The following EHBP1 variants were observed in gnomAD, a reference collection of about 807,000 sequenced individuals.
EHBP1 encodes the protein EH domain binding protein 1.
Under a neutral mutation model 144.0 loss-of-function variants are expected in EHBP1, and 55 were observed. The ratio of observed to expected loss-of-function variants is 0.38; its 90% CI spans 0.31 to 0.48. EHBP1 has a LOEUF of 0.48. Among genes scored for constraint, EHBP1 ranks in the 20% least tolerant of loss-of-function variants. The pLI, the probability that EHBP1 is intolerant of heterozygous loss-of-function variation, is 0.98. For synonymous variants in EHBP1, 469 were observed against 472.7 expected, an observed-to-expected ratio of 0.99 and a Z score of 0.10; for missense variants, 1,200 against 1,364.2, an observed-to-expected ratio of 0.88 and a Z score of 1.90.
chr2:62,757,555 T>C (rs2040410666), intron 3 of EHBP1, among the ~76,000 whole-genome samples: 1 of 150,902 alleles, frequency 6.6e-6, no homozygotes, highest in Non-Finnish European at 1.5e-5. Flanking sequence ...TGCCTTAGTC[T>C]CCCGAGTAGC....
intron 15 of EHBP1, among the ~76,000 whole-genome samples, chr2:62,982,268 G>A (rs564504417): frequency 6.6e-6 from 1 of 152,324 alleles, no homozygotes; most frequent in African/African-American, 2.4e-5. Flanking sequence ...AGCACTGTAG[G>A]TTTTGTAAGC....
intron 1 of EHBP1, among the ~76,000 whole-genome samples, chr2:62,690,608 A>G (rs1365315897): frequency 6.6e-6 from 1 of 152,186 alleles, no homozygotes; most frequent in Non-Finnish European, 1.5e-5. Flanking sequence ...TACAAGATTG[A>G]GTAAGACTGT....
At chr2:62,720,248 A>G (rs2036097113) in intron 2 of EHBP1, among the ~76,000 whole-genome samples, 1 of 152,156 alleles carries the variant, frequency 6.6e-6, no homozygotes, top group Non-Finnish European at 1.5e-5. Flanking sequence ...TAAACCCAGA[A>G]AGTTTGGGAA....
chr2:63,033,829 C>G (rs72890534), intron 19 of EHBP1, among the ~76,000 whole-genome samples: 2,473 of 152,174 alleles, frequency 0.016, 63 homozygotes, highest in African/African-American at 0.056. Flanking sequence ...TGTCAGTTAA[C>G]ACTGACTATT....
At chr2:62,865,470 T>C (rs769005205) in intron 9 of EHBP1, among the ~76,000 whole-genome samples, 3 of 152,194 alleles carry the variant, frequency 2.0e-5, no homozygotes, top group Non-Finnish European at 4.4e-5. Context: ...AGGGCTGCCA[T>C]TTGCCCAAAT....
chr2:62,834,208 T>A (rs2047041197), intron 7 of EHBP1, among the ~76,000 whole-genome samples: 1 of 152,228 alleles, frequency 6.6e-6, no homozygotes, highest in Non-Finnish European at 1.5e-5. Context: ...ATTTAGAATA[T>A]CACATCAACT....
At chr2:62,709,899 A>G (rs2034975602) in intron 2 of EHBP1, among the ~76,000 whole-genome samples, 1 of 152,082 alleles carries the variant, frequency 6.6e-6, no homozygotes, top group Admixed American at 6.5e-5. Context: ...TTCATTTGAG[A>G]GAGGGACAGT....
At chr2:62,773,743 C>G (rs1008703909) in intron 5 of EHBP1, among the ~76,000 whole-genome samples, 1 of 148,572 alleles carries the variant, frequency 6.7e-6, no homozygotes, top group East Asian at 2.0e-4. Flanking sequence ...CCCAGCTACT[C>G]GGGAGACTGA....
At chr2:63,021,236 C>T (rs2060735183) in intron 19 of EHBP1, among the ~76,000 whole-genome samples, 1 of 152,072 alleles carries the variant, frequency 6.6e-6, no homozygotes, top group African/African-American at 2.4e-5. Context: ...CCGTCTCTCC[C>T]TCTGTCTCTC....
chr2:62,827,437 G>C (rs778733864), intron 6 of EHBP1, among the ~76,000 whole-genome samples: 60 of 152,170 alleles, frequency 3.9e-4, no homozygotes, highest in Non-Finnish European at 8.1e-4. Flanking sequence ...TTTGAGGGTG[G>C]ACTTCCTTCC....
chr2:62,945,403 TA>T (rs2057003066), intron 12 of EHBP1, among the ~76,000 whole-genome samples: 1 of 152,222 alleles, frequency 6.6e-6, no homozygotes, highest in African/African-American at 2.4e-5. Flanking sequence ...TAACATACTT[TA>T]AATTAAATAA....
intron 19 of EHBP1, among the ~76,000 whole-genome samples, chr2:63,020,108 G>C (rs1311763040): frequency 6.6e-6 from 1 of 151,814 alleles, no homozygotes; most frequent in Non-Finnish European, 1.5e-5. Flanking sequence ...AGCAGATCAC[G>C]AGGTCAGGAG....
intron 3 of EHBP1, among the ~76,000 whole-genome samples, chr2:62,757,959 C>G (rs962590430): frequency 1.3e-5 from 2 of 151,684 alleles, no homozygotes; most frequent in Non-Finnish European, 2.9e-5. Flanking sequence ...TTGCAGTGAG[C>G]CCAGATAGCG....
chr2:62,907,669 C>A (rs2053909151), intron 10 of EHBP1, among the ~76,000 whole-genome samples: 1 of 152,180 alleles, frequency 6.6e-6, no homozygotes, highest in African/African-American at 2.4e-5. Flanking sequence ...AATTACTTTC[C>A]AAAAACTATC....
chr2:62,959,798 G>A (rs2057908233), intron 14 of EHBP1, among the ~76,000 whole-genome samples: 1 of 152,032 alleles, frequency 6.6e-6, no homozygotes, highest in Non-Finnish European at 1.5e-5. Context: ...AAGGACCACT[G>A]GTTTACTTTA....
At chr2:62,718,135 ATAATGT>A (rs1171422931) in intron 2 of EHBP1, among the ~76,000 whole-genome samples, 13 of 152,230 alleles carry the variant, frequency 8.5e-5, no homozygotes, top group Non-Finnish European at 1.5e-4. Flanking sequence ...GTTAAATAAG[ATAATGT>A]TTATGTTGAC....
intron 5 of EHBP1, among the ~76,000 whole-genome samples, chr2:62,813,174 A>G (rs916216022): frequency 1.3e-5 from 2 of 152,196 alleles, no homozygotes; most frequent in African/African-American, 4.8e-5. Flanking sequence ...CCTGAATTCC[A>G]GCTCAGTGAT....
Position 62,707,005 on chromosome 2 carries a change from C to T in EHBP1, c.-187C>T. 1.8e-6 allele frequency: 1 copy of T among 564,664 alleles called. No homozygotes were observed. Among genetic ancestry groups the T allele is most frequent in the Non-Finnish European group, 3.2e-6 (1 of 312,724 alleles). 35.0% of individuals were successfully genotyped at this position (564,664 alleles called of 1,614,324 possible). On this transcript the variant is annotated 5_prime_UTR_variant, in exon 2 of 23. Transcript: ENST00000431489. ...GTATATCATAGTGTTCTTGACTGGGCCATTCATCTAAGATGGGATTTACCC... is the reference window on the plus strand; with the variant it reads ...GTATATCATAGTGTTCTTGACTGGGTCATTCATCTAAGATGGGATTTACCC...
At chr2:62,963,699 A>G (rs1045341045) in intron 14 of EHBP1, among the ~76,000 whole-genome samples, 5 of 152,234 alleles carry the variant, frequency 3.3e-5, no homozygotes, top group African/African-American at 1.2e-4. Context: ...GACATCAATT[A>G]TCACTTATTA....
Sources: gnomAD v4.1 joint callset for allele counts (sites outside exome capture counted in the v4.1 genomes callset) on GRCh38, gnomAD v4.1.1 for gene constraint, MANE v1.5 for transcripts, NCBI Gene and HGNC (gene_info 2026-07-23, HGNC 2026-07-21) for gene names.